The following TTC12 variants were observed in gnomAD, a reference collection of about 807,000 sequenced individuals.
The protein encoded by TTC12 is tetratricopeptide repeat domain 12, also known as tetratricopeptide repeat protein 12.
TTC12 carries 70 observed loss-of-function variants against 90.1 expected under a neutral mutation model. The ratio of observed to expected loss-of-function variants is 0.78; its 90% CI spans 0.64 to 0.95. TTC12 has a LOEUF of 0.95. TTC12 is among the 40% of genes least tolerant of loss of function. TTC12 has a pLI of 0.00. For missense variants in TTC12, 819 were observed against 846.1 expected, an observed-to-expected ratio of 0.97 and a Z score of 0.40; for synonymous variants, 296 against 311.5, an observed-to-expected ratio of 0.95 and a Z score of 0.53.
downstream of TTC12, chr11:113,368,791 G>A (rs1287409994): frequency 6.5e-6 from 3 of 461,314 alleles, no homozygotes; most frequent in Admixed American, 3.7e-5. Flanking sequence ...GGGGAAGTAT[G>A]ACTAAGAAGT....
intron 21 of TTC12, among the ~76,000 whole-genome samples, chr11:113,372,621 T>C (rs1950415760): frequency 1.3e-5 from 2 of 152,222 alleles, no homozygotes; most frequent in Admixed American, 6.5e-5. Flanking sequence ...AGAGCTATGA[T>C]TCATAAGTTT....
intron 2 of TTC12, among the ~76,000 whole-genome samples, chr11:113,320,745 C>T (rs1286973116): frequency 1.3e-5 from 2 of 152,240 alleles, no homozygotes; most frequent in Admixed American, 1.3e-4. Context: ...CGCTGTAACA[C>T]GTGCCCAACT....
chr11:113,325,056 G>C (rs1947602000), intron 5 of TTC12, among the ~76,000 whole-genome samples: 1 of 152,088 alleles, frequency 6.6e-6, no homozygotes, highest in African/African-American at 2.4e-5. Context: ...CTGTGAGATA[G>C]GAGAGGAGAC....
intron 6 of TTC12, among the ~76,000 whole-genome samples, chr11:113,325,944 T>A (rs1555140939): frequency 6.6e-6 from 1 of 152,156 alleles, no homozygotes; most frequent in Non-Finnish European, 1.5e-5. Flanking sequence ...CATGCACTTG[T>A]CCCTGTGGAT....
At chr11:113,359,279 C>CT in intron 16 of TTC12, 84 bp from the exon 17 acceptor site, 1 of 886,428 alleles carries the variant, frequency 1.1e-6, no homozygotes, top group Non-Finnish European at 1.8e-6. Context: ...GTGGGGAACT[C>CT]TGAGACCCTT....
chr11:113,320,463 G>A (rs1204215922), intron 2 of TTC12, among the ~76,000 whole-genome samples: 3 of 152,066 alleles, frequency 2.0e-5, no homozygotes, highest in Admixed American at 2.0e-4. Flanking sequence ...GGGGAGTTGG[G>A]CCACTGGATG....
At chr11:113,365,925 T>G (rs1202522546) in intron 21 of TTC12, among the ~76,000 whole-genome samples, 1 of 152,246 alleles carries the variant, frequency 6.6e-6, no homozygotes, top group Admixed American at 6.5e-5. Context: ...GCACATTAGC[T>G]AGGATGACTT....
At chr11:113,351,966 TG>T in intron 15 of TTC12, 103 bp from the exon 16 acceptor site, 1 of 1,329,348 alleles carries the variant, frequency 7.5e-7, no homozygotes, top group Non-Finnish European at 1.0e-6. Context: ...TGAAGCTATC[TG>T]GTTGGTTCGT....
intron 16 of TTC12, 29 bp downstream of exon 16, chr11:113,352,236 T>C: frequency 6.2e-7 from 1 of 1,613,966 alleles, no homozygotes; most frequent in Non-Finnish European, 8.5e-7. Flanking sequence ...TCAAAATTGG[T>C]CTTTATCCTC....
intron 3 of TTC12, 78 bp downstream of exon 3, chr11:113,323,529 C>T: frequency 1.0e-6 from 1 of 986,682 alleles, no homozygotes; most frequent in Non-Finnish European, 1.4e-6. Context: ...TAATCTCAAA[C>T]TGTCCAGCAA....
At chr11:113,324,919 C>G (rs1947591853) in intron 5 of TTC12, among the ~76,000 whole-genome samples, 1 of 152,140 alleles carries the variant, frequency 6.6e-6, no homozygotes, top group South Asian at 2.1e-4. Context: ...CTGAAGCTTC[C>G]CTGTGCACTT....
chr11:113,339,701 A>G lies in TTC12; in HGVS notation c.826+227A>G, dbSNP rs1948578650. Reference sequence around the variant, plus strand: ...CTCAGCACACATGCAATAAACATACACAACACAACACGTACACGTGGCACA... The same window carrying G: ...CTCAGCACACATGCAATAAACATACGCAACACAACACGTACACGTGGCACA... On this transcript the variant is annotated intron_variant, in intron 10 of 21. Transcript: ENST00000529221. 5 of 480,396 alleles carry G rather than the reference A, an allele frequency of 1.0e-5. No individual in the cohort carries two copies. In the South Asian group the frequency reaches 2.3e-4, roughly 22 times the overall value. The allele number at this position is 480,396 out of a possible 1,614,324, so 29.8% of individuals were successfully genotyped here.
intron 6 of TTC12, among the ~76,000 whole-genome samples, chr11:113,329,399 T>C (rs1947888036): frequency 6.6e-6 from 1 of 152,218 alleles, no homozygotes; most frequent in Non-Finnish European, 1.5e-5. Context: ...TCTAGATCCT[T>C]CCCTGCTTTG....
intron 2 of TTC12, 21 bp downstream of exon 2, chr11:113,316,336 A>T (rs782235387): frequency 7.9e-7 from 1 of 1,271,854 alleles, no homozygotes; most frequent in Non-Finnish European, 1.1e-6. Flanking sequence ...GTAAATCATA[A>T]ATTAATTTCT....
At chr11:113,372,263 AAGAC>A (rs1383385621) in intron 21 of TTC12, among the ~76,000 whole-genome samples, 8 of 152,134 alleles carry the variant, frequency 5.3e-5, no homozygotes, top group African/African-American at 1.9e-4. Flanking sequence ...AAATAAGAAA[AAGAC>A]AGGTGCTGGA....
chr11:113,362,537 G>C, intron 19 of TTC12, 35 bp downstream of exon 19: 1 of 1,370,352 alleles, frequency 7.3e-7, no homozygotes, highest in African/African-American at 1.4e-5. Context: ...CCCCTGAAAT[G>C]TACAGAAGTC....
At chr11:113,341,381 A>G (rs1948671180) in intron 11 of TTC12, among the ~76,000 whole-genome samples, 1 of 152,222 alleles carries the variant, frequency 6.6e-6, no homozygotes, top group Non-Finnish European at 1.5e-5. Flanking sequence ...GAATTTGCTG[A>G]TCATATCAAG....
In TTC12 at chr11:113,338,840, C is replaced by T; in HGVS notation, c.637+6C>T. On this transcript the variant is annotated splice_donor_region_variant and intron_variant, in intron 9 of 21. Coordinates refer to ENST00000529221, the MANE Select transcript of TTC12 (RefSeq NM_017868.4). ...GCTGCAAACCCAGGTGAAAGGTGAG[C>T]ACGTTCCTGCTGAGGTCCTTCATCT... The T allele has an allele frequency of 6.2e-7, 1 of 1,613,436 alleles. No individual in the cohort carries two copies. Among genetic ancestry groups the T allele is most frequent in the South Asian group, 1.1e-5 (1 of 91,066 alleles).
intron 21 of TTC12, among the ~76,000 whole-genome samples, chr11:113,371,877 A>G (rs1232966459): frequency 1.3e-5 from 2 of 152,330 alleles, no homozygotes; most frequent in East Asian, 3.9e-4. Flanking sequence ...TGGGGATTAA[A>G]TGAGATGATT....
Sources: allele counts gnomAD v4.1 joint callset (sites outside exome capture counted in the v4.1 genomes callset), GRCh38; gene constraint gnomAD v4.1.1; transcripts MANE v1.5; gene names NCBI Gene and HGNC (gene_info 2026-07-23, HGNC 2026-07-21).